Variants in EPHA6 observed in about 807,000 individuals in gnomAD.
EPHA6 encodes EPH receptor A6.
A neutral mutation model predicts 112.0 loss-of-function variants in EPHA6; 50 were observed. That is an observed-to-expected ratio of 0.45 (90% CI 0.36 to 0.56). The LOEUF (loss-of-function observed/expected upper bound fraction) is 0.56. Ranked by LOEUF, EPHA6 falls within the 20% of genes least tolerant of loss-of-function variation. EPHA6 has a pLI of 0.00. For synonymous variants in EPHA6, 529 were observed against 490.7 expected (o/e 1.08, Z -1.03); for missense variants, 1,280 against 1,417.4 (o/e 0.90, Z 1.56).
At chr3:97,148,837 C>A (rs1387401179) in intron 3 of EPHA6, among the ~76,000 whole-genome samples, 3 of 151,964 alleles carry the variant, frequency 2.0e-5, no homozygotes, top group Admixed American at 2.0e-4. Context: ...TGAAACATTC[C>A]ATTTCCTTAT....
rs1040585754 is a variant in EPHA6 at position 97,757,502 on chromosome 3, A to G, written c.*8801A>G. Among the ~76,000 whole-genome samples the G allele has an allele frequency of 4.0e-5, 6 of 151,720 alleles. No individual in the cohort carries two copies. Among genetic ancestry groups the G allele is most frequent in the African/African-American group, 1.4e-4 (6 of 41,426 alleles). On this transcript the variant is annotated 3_prime_UTR_variant, in exon 18 of 18. Coordinates refer to ENST00000389672, the MANE Select transcript of EPHA6 (RefSeq NM_001080448.3). ...TTTGCCAAAAAATTCAAATAATAAT[A>G]CATTGAATATTGGACTGCCATAGCA...
At chr3:96,985,962 T>G (rs2043006955) in intron 2 of EPHA6, among the ~76,000 whole-genome samples, 2 of 152,156 alleles carry the variant, frequency 1.3e-5, no homozygotes, top group African/African-American at 4.8e-5. Flanking sequence ...CTGAAGTATG[T>G]TATCAACCAA....
intron 3 of EPHA6, among the ~76,000 whole-genome samples, chr3:97,090,695 C>A (rs28459322): frequency 2.6e-5 from 4 of 151,934 alleles, no homozygotes; most frequent in Non-Finnish European, 5.9e-5. Flanking sequence ...TGTGTTTCAG[C>A]TTGGGTAATG....
At chr3:96,911,788 TC>T (rs2039229164) in intron 2 of EPHA6, among the ~76,000 whole-genome samples, 1 of 152,104 alleles carries the variant, frequency 6.6e-6, no homozygotes, top group Non-Finnish European at 1.5e-5. Context: ...GAATAAGCTT[TC>T]CGTTAAAGAT....
chr3:97,624,819 G>A (rs1050989257), intron 13 of EPHA6, among the ~76,000 whole-genome samples: 15 of 151,216 alleles, frequency 9.9e-5, no homozygotes, highest in African/African-American at 3.1e-4. Context: ...ATTTTATCCA[G>A]GTTATCTAAT....
At chr3:96,947,414 C>T (rs2041324471) in intron 2 of EPHA6, among the ~76,000 whole-genome samples, 1 of 152,024 alleles carries the variant, frequency 6.6e-6, no homozygotes, top group Non-Finnish European at 1.5e-5. Flanking sequence ...GCCAGTTTTC[C>T]CAGCACCATT....
At chr3:97,638,231 C>G in intron 14 of EPHA6, 149 bp downstream of exon 14, 1 of 631,944 alleles carries the variant, frequency 1.6e-6, no homozygotes, top group Admixed American at 3.2e-5. Context: ...GAAGTATTTG[C>G]TTTGAGTGTC....
At chr3:96,883,597 T>C (rs1293372040) in intron 2 of EPHA6, among the ~76,000 whole-genome samples, 1 of 152,176 alleles carries the variant, frequency 6.6e-6, no homozygotes, top group East Asian at 1.9e-4. Flanking sequence ...TTGTATAAGG[T>C]GAGAGATGAG....
chr3:97,317,468 C>T (rs1432920440), intron 5 of EPHA6, among the ~76,000 whole-genome samples: 2 of 151,928 alleles, frequency 1.3e-5, no homozygotes, highest in Non-Finnish European at 2.9e-5. Context: ...TCATGGTAGT[C>T]ATGATAATAG....
intron 3 of EPHA6, among the ~76,000 whole-genome samples, chr3:97,002,920 G>T (rs1027370090): frequency 6.6e-6 from 1 of 152,030 alleles, no homozygotes; most frequent in African/African-American, 2.4e-5. Flanking sequence ...ATTCATCAAT[G>T]TTACCAAGAA....
chr3:97,361,866 A>C (rs529539184), intron 5 of EPHA6, among the ~76,000 whole-genome samples: 1 of 152,350 alleles, frequency 6.6e-6, no homozygotes, highest in African/African-American at 2.4e-5. Flanking sequence ...TTAAAACCAT[A>C]GCAGCTTGAG....
chr3:97,365,629 C>G (rs2084679034), intron 5 of EPHA6, among the ~76,000 whole-genome samples: 1 of 152,120 alleles, frequency 6.6e-6, no homozygotes, highest in African/African-American at 2.4e-5. Flanking sequence ...ACCTCGTGAT[C>G]CACCTGCCTC....
At position 97,606,807 on chromosome 3, in the gene EPHA6, T is replaced by C. The variant is rs116692498; in HGVS notation, c.2513-3986T>C. Among the ~76,000 whole-genome samples, 593 of 151,286 alleles carry C rather than the reference T, an allele frequency of 3.9e-3. 4 individuals are homozygous for C. Among genetic ancestry groups the C allele is most frequent in the African/African-American group, 0.013 (530 of 41,454 alleles). On this transcript the variant is annotated intron_variant, in intron 12 of 17. Coordinates refer to ENST00000389672, the MANE Select transcript of EPHA6 (RefSeq NM_001080448.3). The stretch of plus-strand genomic sequence containing the variant: ...AACCAATTTGAGATTATAATTGTAA[T>C]TCACTATCTCTACAACAGAAACATG...
intron 2 of EPHA6, among the ~76,000 whole-genome samples, chr3:96,937,555 T>C (rs1242714025): frequency 6.6e-6 from 1 of 152,178 alleles, no homozygotes; most frequent in Non-Finnish European, 1.5e-5. Context: ...ATTTTGTAGG[T>C]TGCCTGTTCA....
At position 97,665,305 on chromosome 3, in the gene EPHA6, T is replaced by C. The variant is rs145885080; in HGVS notation, c.2784+27223T>C. ...AACTGGATCCCTTCCTTGCACCTTA[T>C]ACAAAAAAGTAATTCAAGATGGATT... On this transcript the variant is annotated intron_variant, in intron 14 of 17. Transcript: ENST00000389672. Among the ~76,000 whole-genome samples, 799 of 152,298 alleles carry C rather than the reference T, an allele frequency of 5.2e-3. 4 individuals carry two copies. The highest frequency in any genetic ancestry group is 8.2e-3 in the Admixed American group (125 of 15,296).
At chr3:97,535,977 C>CA (rs1409666129) in intron 11 of EPHA6, among the ~76,000 whole-genome samples, 1 of 151,814 alleles carries the variant, frequency 6.6e-6, no homozygotes. Context: ...CTGTATTATC[C>CA]AAAAAACTGT....
intron 9 of EPHA6, among the ~76,000 whole-genome samples, chr3:97,483,090 TA>T (rs1233738623): frequency 1.3e-5 from 2 of 152,072 alleles, no homozygotes; most frequent in Non-Finnish European, 2.9e-5. Flanking sequence ...GCCATTTCTC[TA>T]AAAAAAGCAG....
intron 3 of EPHA6, among the ~76,000 whole-genome samples, chr3:97,135,694 G>C (rs2075749990): frequency 6.6e-6 from 1 of 150,810 alleles, no homozygotes; most frequent in African/African-American, 2.4e-5. Context: ...CCATACTGCT[G>C]GTTCCTGCTA....
chr3:97,493,911 A>T (rs1040591330), intron 10 of EPHA6, among the ~76,000 whole-genome samples: 4 of 152,162 alleles, frequency 2.6e-5, no homozygotes, highest in African/African-American at 9.7e-5. Context: ...GGTCTCCCAG[A>T]GTAAAATCTA....
Sources: gnomAD v4.1 joint callset for allele counts (sites outside exome capture counted in the v4.1 genomes callset) on GRCh38, gnomAD v4.1.1 for gene constraint, MANE v1.5 for transcripts, NCBI Gene and HGNC (gene_info 2026-07-23, HGNC 2026-07-21) for gene names.